GRK1: variants seen among roughly 807,000 people sequenced by gnomAD.
GRK1 encodes G protein-coupled receptor kinase 1.
GRK1 carries 28 observed loss-of-function variants against 41.7 expected under a neutral mutation model. The ratio of observed to expected loss-of-function variants is 0.67; its 90% CI spans 0.50 to 0.92. The LOEUF (loss-of-function observed/expected upper bound fraction) is 0.92, where lower values mean the gene tolerates loss of function less well. Ranked by LOEUF, GRK1 falls within the 40% of genes least tolerant of loss-of-function variation. The probability of loss-of-function intolerance (pLI) is 0.00; values close to 1 mark genes in which losing one functional copy is unlikely to be tolerated. For synonymous variants in GRK1, 327 were observed against 286.7 expected (o/e 1.14, Z -1.42); for missense variants, 703 against 671.2 (o/e 1.05, Z -0.52).
At position 113,723,148 on chromosome 13, in the gene GRK1, G is replaced by C; in HGVS notation, c.1060G>C (p.Gly354Arg). Residue 354 changes from glycine (G) to arginine (R), a missense_variant, in exon 4 of 7, where the codon GGG becomes CGG. Transcript: ENST00000335678. Reference sequence around the variant, plus strand: ...ACAGAGCAAGACCAAGGGCTACGCAGGGACCCCAGGTAAGGGTCTGAGCGC... The same window carrying C: ...ACAGAGCAAGACCAAGGGCTACGCACGGACCCCAGGTAAGGGTCTGAGCGC... ...DGQSKTKGYA[G>R]TPGFMAPELL... 1 of 701,496 alleles carries C rather than the reference G, an allele frequency of 1.4e-6. No homozygotes were observed. The highest frequency in any genetic ancestry group is 1.5e-5 in the South Asian group (1 of 67,458). The allele number at this position is 701,496 out of a possible 1,614,324, so 43.5% of individuals were successfully genotyped here.
Position 113,733,041 on chromosome 13 carries a change from C to T in GRK1, c.1352C>T (p.Ala451Val), listed in dbSNP as rs1405289501. 3.3e-6 allele frequency: 5 copies of T among 1,536,962 alleles called. No homozygotes were observed. The South Asian group carries it at 4.8e-5, about 15-fold the overall frequency. Reference sequence around the variant, plus strand: ...GATGAGACCTGCGACAAGCTCCGTGCCCACCCCCTCTTCAAGGACCTTAAC... The same window carrying T: ...GATGAGACCTGCGACAAGCTCCGTGTCCACCCCCTCTTCAAGGACCTTAAC... The part of the protein sequence containing the change: ...FRDETCDKLR[A>V]HPLFKDLNWR... The change falls in exon 6 of 7, where the codon GCC (alanine) becomes GTC (valine). Residue 451 changes from alanine (A) to valine (V), a missense_variant. Transcript: ENST00000335678.
chr13:113,670,192 T>C (rs928913262), intron 2 of GRK1, among the ~76,000 whole-genome samples: 2 of 152,146 alleles, frequency 1.3e-5, no homozygotes, highest in Non-Finnish European at 2.9e-5. Flanking sequence ...CTCCTAGGGC[T>C]GACCCTAGAG....
At chr13:113,664,928 C>A (rs190858558), upstream of GRK1, among the ~76,000 whole-genome samples, 8 of 152,212 alleles carry the variant, frequency 5.3e-5, no homozygotes, top group African/African-American at 1.9e-4. The surrounding 1 kb of genome is among the most constrained non-coding windows in gnomAD (Gnocchi z 5.4). Flanking sequence ...GGGCTGGGCC[C>A]GTGCAGGGCT....
chr13:113,731,294 T>C lies in GRK1; in HGVS notation c.1145T>C (p.Leu382Pro), dbSNP rs2049935582. The C allele has an allele frequency of 6.5e-6, 10 of 1,536,874 alleles. No individual in the cohort carries two copies. Among genetic ancestry groups the C allele is most frequent in the Non-Finnish European group, 8.7e-6 (10 of 1,146,826 alleles). ...SVDYFALGVT[L>P]YEMIAARGPF... Reference sequence around the variant, plus strand: ...GACTACTTTGCCCTGGGGGTCACCCTGTATGAGATGATTGCGGCCAGAGGA... The same window carrying C: ...GACTACTTTGCCCTGGGGGTCACCCCGTATGAGATGATTGCGGCCAGAGGA... Residue 382 changes from leucine (L) to proline (P), a missense_variant, in exon 5 of 7, where the codon CTG becomes CCG. Coordinates refer to ENST00000335678, the MANE Select transcript of GRK1 (RefSeq NM_002929.3). This position sits in a 1 kb window ranked among gnomAD's most constrained non-coding sequence, Gnocchi z 5.6.
At chr13:113,660,611 T>C in the GRK1 span, among the ~76,000 whole-genome samples, 68 of 152,212 alleles carry the variant, frequency 4.5e-4, no homozygotes, top group Non-Finnish European at 7.6e-4. Flanking sequence ...ATGCCTGTTA[T>C]CCCAGAGCTT....
At chr13:113,655,073 A>T in the GRK1 span, 3 of 1,271,442 alleles carry the variant, frequency 2.4e-6, no homozygotes, top group Non-Finnish European at 3.2e-6. Context: ...CTCCTCCCCC[A>T]AAACAGAAAC....
At chr13:113,668,482 G>A (rs936992668) in intron 1 of GRK1, among the ~76,000 whole-genome samples, 3 of 152,212 alleles carry the variant, frequency 2.0e-5, no homozygotes, top group South Asian at 4.1e-4. Flanking sequence ...TGATCGCAGC[G>A]AATGCAGGAG....
the GRK1 span, among the ~76,000 whole-genome samples, chr13:113,648,438 A>G: frequency 1.3e-5 from 2 of 152,136 alleles, no homozygotes; most frequent in Non-Finnish European, 2.9e-5. Flanking sequence ...CAGGCTGCAC[A>G]CCGCCGTCGG....
the GRK1 span, chr13:113,658,326 G>A: frequency 1.6e-6 from 1 of 620,114 alleles, no homozygotes; most frequent in East Asian, 2.8e-5. Context: ...CCAAACACCA[G>A]GGGCTGGGTG....
the GRK1 span, among the ~76,000 whole-genome samples, chr13:113,656,073 GC>G: frequency 6.6e-6 from 1 of 152,350 alleles, no homozygotes; most frequent in Admixed American, 6.5e-5. Flanking sequence ...TTCTTGTGTG[GC>G]CACAGCAGCT....
At chr13:113,670,729 A>G (rs1172097232) in intron 2 of GRK1, among the ~76,000 whole-genome samples, 2 of 22,348 alleles carry the variant, frequency 8.9e-5, no homozygotes, top group African/African-American at 2.1e-4. Flanking sequence ...GGCGGAGGGG[A>G]GGGGGCGCTG....
At chr13:113,651,580 G>T in the GRK1 span, 1 of 1,360,774 alleles carries the variant, frequency 7.3e-7, no homozygotes, top group South Asian at 1.6e-5. Flanking sequence ...TTCCTGGAGA[G>T]AACCAGGTGG....
rs1444963873 is a variant in GRK1 at position 113,669,796 on chromosome 13, T to C, written c.809T>C (p.Met270Thr). The change falls in exon 2 of 7, where the codon ATG becomes ACG. Residue 270 changes from methionine to threonine, a missense_variant. Transcript: ENST00000335678. The part of the protein sequence containing the change: ...KADLCLVMTI[M>T]NGGDIRYHIY... ...GACCTCTGTCTGGTGATGACCATCATGAACGGAGGTGACATCAGGTAAGGG... is the reference window on the plus strand; with the variant it reads ...GACCTCTGTCTGGTGATGACCATCACGAACGGAGGTGACATCAGGTAAGGG... The C allele has an allele frequency of 1.2e-6, 2 of 1,613,960 alleles. No individual in the cohort carries two copies.
At chr13:113,733,766 TGTGTGTGCATAC>T (rs1206534437) in intron 6 of GRK1, among the ~76,000 whole-genome samples, 4 of 115,574 alleles carry the variant, frequency 3.5e-5, no homozygotes, top group Admixed American at 8.4e-5. Flanking sequence ...TGCGTGTGTA[TGTGTGTGCATAC>T]GTGTGTGCAT....
rs887051792 is a variant in GRK1 at position 113,671,044 on chromosome 13, T to A, written c.828-455T>A. On this transcript the variant is annotated intron_variant, in intron 2 of 6. Coordinates refer to ENST00000335678, the MANE Select transcript of GRK1 (RefSeq NM_002929.3). This position sits in a 1 kb window ranked among gnomAD's most constrained non-coding sequence, Gnocchi z 4.1. Reference sequence around the variant, plus strand: ...TTTCTTTTATTTGTTAGGTTTTGCTTCTCTGCAAAACCTGTCCGTGGAAAA... The same window carrying A: ...TTTCTTTTATTTGTTAGGTTTTGCTACTCTGCAAAACCTGTCCGTGGAAAA... 6.6e-6 allele frequency among the ~76,000 whole-genome samples: 1 copy of A among 152,202 alleles called. No individual in the cohort carries two copies. Among genetic ancestry groups the A allele is most frequent in the Non-Finnish European group, 1.5e-5 (1 of 68,028 alleles).
At chr13:113,665,034 C>A (rs965326545), upstream of GRK1, among the ~76,000 whole-genome samples, 1 of 152,220 alleles carries the variant, frequency 6.6e-6, no homozygotes, top group Non-Finnish European at 1.5e-5. Flanking sequence ...GCTCGGTCTG[C>A]GGGCCCTCGC....
chr13:113,728,159 CGAT>C (rs1225754767), intron 4 of GRK1, among the ~76,000 whole-genome samples: 1 of 88,570 alleles, frequency 1.1e-5, no homozygotes, highest in African/African-American at 5.6e-5. Flanking sequence ...GTACCCATGG[CGAT>C]GAGGAATACC....
rs758455350 is a variant in GRK1, at chr13:113,731,384, G to C, written c.1194+41G>C. On this transcript the variant is annotated intron_variant, in intron 5 of 6. Transcript: ENST00000335678. This position sits in a 1 kb window ranked among gnomAD's most constrained non-coding sequence, Gnocchi z 5.6. ...CAGGTGTCTCTGCAGCCACCTTGGC[G>C]CCCTGGCTCTCGATGGGGACGGGGC... 2.0e-6 allele frequency: 3 copies of C among 1,535,838 alleles called. No homozygotes were observed. Among genetic ancestry groups the C allele is most frequent in the Non-Finnish European group, 2.6e-6 (3 of 1,146,280 alleles).
At chr13:113,727,666 GCGA>G (rs1404421171) in intron 4 of GRK1, among the ~76,000 whole-genome samples, 75 of 130,290 alleles carry the variant, frequency 5.8e-4, no homozygotes, top group African/African-American at 2.2e-3. Context: ...AGGACCCATG[GCGA>G]TGAGGAGTAC....
Sources: allele counts gnomAD v4.1 joint callset (sites outside exome capture counted in the v4.1 genomes callset), GRCh38; gene constraint gnomAD v4.1.1; non-coding constraint Gnocchi (gnomAD v3.1); transcripts MANE v1.5; gene names NCBI Gene and HGNC (gene_info 2026-07-23, HGNC 2026-07-21).